The following HERC1 variants were observed in gnomAD, a reference collection of about 807,000 sequenced individuals.
The protein encoded by HERC1 is probable E3 ubiquitin-protein ligase HERC1.
In HERC1, 160 loss-of-function variants were observed where a neutral mutation model predicts 554.3. That is an observed-to-expected ratio of 0.29 (90% CI 0.25 to 0.33). The LOEUF is 0.33. Among genes scored for constraint, HERC1 ranks in the 10% least tolerant of loss-of-function variants. HERC1 has a pLI of 1.00. For missense variants in HERC1, 4,919 were observed against 5,918.5 expected (o/e 0.83, Z 5.54); for synonymous variants, 2,175 against 2,131.7 (o/e 1.02, Z -0.56).
At chr15:63,790,500 C>T (rs1207533007) in intron 1 of HERC1, among the ~76,000 whole-genome samples, 2 of 152,110 alleles carry the variant, frequency 1.3e-5, no homozygotes, top group East Asian at 1.9e-4. Flanking sequence ...ATGGCATGAA[C>T]CAGGGAGGCG....
rs2073637239 is a variant in HERC1, at chr15:63,717,963, A to G, written c.3978+611T>C. ...AGCCTATTTTCCTAACATTCAGCTA[A>G]AATGATTCCCCATTTGATTGTTACC... On this transcript the variant is annotated intron_variant, in intron 21 of 77. Coordinates refer to ENST00000443617, the MANE Select transcript of HERC1 (RefSeq NM_003922.4). 2.0e-5 allele frequency among the ~76,000 whole-genome samples: 3 copies of G among 152,206 alleles called. No individual in the cohort carries two copies. In the South Asian group the frequency reaches 6.2e-4, roughly 32 times the overall value.
At chr15:63,717,644 T>C (rs899405690) in intron 21 of HERC1, among the ~76,000 whole-genome samples, 8 of 152,118 alleles carry the variant, frequency 5.3e-5, no homozygotes, top group African/African-American at 9.7e-5. Context: ...ACTTGAGGTG[T>C]TCAAACTCCT....
At chr15:63,811,600 G>A (rs1567152255) in intron 1 of HERC1, among the ~76,000 whole-genome samples, 1 of 151,908 alleles carries the variant, frequency 6.6e-6, no homozygotes. Flanking sequence ...ACGAGGTCGG[G>A]AGATCGAGAC....
At chr15:63,686,663 G>A (rs1188383436) in intron 33 of HERC1, 128 bp from the exon 34 acceptor site, 4 of 717,148 alleles carry the variant, frequency 5.6e-6, no homozygotes, top group African/African-American at 3.6e-5. Context: ...TTACTGTGCA[G>A]GGCAACAGGA....
At chr15:63,609,947 T>C (rs2067517167) in intron 77 of HERC1, among the ~76,000 whole-genome samples, 1 of 152,120 alleles carries the variant, frequency 6.6e-6, no homozygotes, top group African/African-American at 2.4e-5. Context: ...AGATACATCA[T>C]ATAAAAATTT....
At chr15:63,763,984 C>T (rs2075693019) in intron 3 of HERC1, 112 bp downstream of exon 3, 5 of 436,672 alleles carry the variant, frequency 1.1e-5, no homozygotes, top group Non-Finnish European at 2.1e-5. Context: ...ACAACTGGTG[C>T]CACTTCCTTT....
chr15:63,678,563 A>G (rs2071317825), intron 36 of HERC1, among the ~76,000 whole-genome samples, 198 bp from the exon 37 acceptor site: 1 of 152,142 alleles, frequency 6.6e-6, no homozygotes, highest in Non-Finnish European at 1.5e-5. Context: ...CCACTGGAAT[A>G]AGCTGCCCTG....
chr15:63,660,872 C>T (rs2070319421), intron 46 of HERC1, 101 bp downstream of exon 46: 6 of 723,242 alleles, frequency 8.3e-6, no homozygotes, highest in East Asian at 5.1e-5. Context: ...TACACAAATA[C>T]AAACACACAC....
chr15:63,714,874 AG>A (rs893375866), intron 22 of HERC1, among the ~76,000 whole-genome samples: 8 of 152,172 alleles, frequency 5.3e-5, no homozygotes, highest in Non-Finnish European at 1.2e-4. Context: ...ATGGGAAACC[AG>A]GCCAAAAAAG....
At chr15:63,671,844 T>C (rs1157130039) in intron 39 of HERC1, among the ~76,000 whole-genome samples, 1 of 152,194 alleles carries the variant, frequency 6.6e-6, no homozygotes, top group Non-Finnish European at 1.5e-5. Context: ...CCATTCTGCT[T>C]CCCTTATTTC....
Position 63,692,341 on chromosome 15 carries a change from T to G in HERC1, c.5830+70A>C. 1 of 1,225,144 alleles carries G rather than the reference T, an allele frequency of 8.2e-7. No homozygotes were observed. Among genetic ancestry groups the G allele is most frequent in the Non-Finnish European group, 1.1e-6 (1 of 895,524 alleles). 75.9% of individuals were successfully genotyped at this position (1,225,144 alleles called of 1,614,324 possible). On this transcript the variant is annotated intron_variant, in intron 31 of 77. Coordinates refer to ENST00000443617, the MANE Select transcript of HERC1 (RefSeq NM_003922.4). This position sits in a 1 kb window ranked among gnomAD's most constrained non-coding sequence, Gnocchi z 4.7. ...GGTTACACATGGAGTGTTGCTAAAG[T>G]CTGGCATTATCTTAATAAAATGCAA...
chr15:63,628,683 C>T lies in HERC1; in HGVS notation c.13099G>A (p.Ala4367Thr), dbSNP rs930614676. The change falls in exon 70 of 78, where the codon GCA (alanine) becomes ACA (threonine). Residue 4367 changes from alanine (A) to threonine (T), a missense_variant. By Grantham distance (58) the Ala-to-Thr change is moderately conservative. Around this residue, in one of 11 missense-constraint regions of HERC1, gnomAD observed 410 missense variants for 467.0 expected, o/e 0.88. Transcript: ENST00000443617. Reference sequence around the variant, plus strand: ...TGAATATTTCATTCCTCACCTGGTGCTCTTGGTGGGACAGGTGGTGCTGTC... The same window carrying T: ...TGAATATTTCATTCCTCACCTGGTGTTCTTGGTGGGACAGGTGGTGCTGTC... ...AWTAPPVPPR[A>T]PGVSVPLQLG... 1.2e-6 allele frequency: 2 copies of T among 1,608,410 alleles called. No individual in the cohort carries two copies. The highest frequency in any genetic ancestry group is 1.3e-5 in the African/African-American group (1 of 74,606).
rs1188459013 is a variant in HERC1 at position 63,725,481 on chromosome 15, G to T, written c.3379C>A (p.Pro1127Thr). ...GPELIDPAGL[P>T]LPQPAQSWVW... Reference sequence around the variant, plus strand: ...CAGGACTGAGCTGGCTGAGGTAATGGCAGACCAGCAGGATCAATTAGTTCT... The same window carrying T: ...CAGGACTGAGCTGGCTGAGGTAATGTCAGACCAGCAGGATCAATTAGTTCT... The change falls in exon 18 of 78, where the codon CCA (proline) becomes ACA (threonine). Residue 1127 changes from proline (P) to threonine (T), a missense_variant. Pro to Thr is a conservative substitution (Grantham distance 38). Coordinates refer to ENST00000443617, the MANE Select transcript of HERC1 (RefSeq NM_003922.4). 3 of 1,613,866 alleles carry T rather than the reference G, an allele frequency of 1.9e-6. No homozygotes were observed. The South Asian group carries it at 3.3e-5, about 18-fold the overall frequency.
At chr15:63,693,682 T>C (rs1432464208) in intron 30 of HERC1, among the ~76,000 whole-genome samples, 2 of 152,096 alleles carry the variant, frequency 1.3e-5, no homozygotes, top group Non-Finnish European at 2.9e-5. Flanking sequence ...AAATCAATCA[T>C]CTAAAATCTA....
chr15:63,812,056 G>C (rs912904347), intron 1 of HERC1, among the ~76,000 whole-genome samples: 1 of 152,142 alleles, frequency 6.6e-6, no homozygotes, highest in Non-Finnish European at 1.5e-5. Context: ...TTTAGAGCCA[G>C]ATTTGTAACT....
chr15:63,788,836 T>C (rs1389253669), intron 1 of HERC1, among the ~76,000 whole-genome samples: 8 of 147,470 alleles, frequency 5.4e-5, no homozygotes, highest in African/African-American at 2.0e-4. Flanking sequence ...GATCGCGCCA[T>C]TGCACTCCAG....
At chr15:63,759,675 C>T (rs2075544480) in intron 3 of HERC1, among the ~76,000 whole-genome samples, 1 of 152,256 alleles carries the variant, frequency 6.6e-6, no homozygotes, top group East Asian at 1.9e-4. Flanking sequence ...GAACTCAATA[C>T]AATAAAGATA....
chr15:63,724,037 C>T (rs2073934460), intron 18 of HERC1, among the ~76,000 whole-genome samples: 1 of 151,988 alleles, frequency 6.6e-6, no homozygotes, highest in African/African-American at 2.4e-5. Flanking sequence ...TTTACAAAGG[C>T]TAATACCTTT....
chr15:63,754,677 A>G (rs1221873608), intron 6 of HERC1, 29 bp from the exon 7 acceptor site: 1 of 1,599,282 alleles, frequency 6.3e-7, no homozygotes. Context: ...AACAACAAAG[A>G]AACAACATTA....
Sources: allele counts gnomAD v4.1 joint callset (sites outside exome capture counted in the v4.1 genomes callset), GRCh38; gene constraint gnomAD v4.1.1; regional missense constraint gnomAD v4.1.1; non-coding constraint Gnocchi (gnomAD v3.1); transcripts MANE v1.5; gene names NCBI Gene and HGNC (gene_info 2026-07-23, HGNC 2026-07-21).